The following H4C15 variants were observed in gnomAD, a reference collection of about 807,000 sequenced individuals.
H4C15 encodes H4 clustered histone 15, also known as histone H4.
At chr1:149,845,029 C>A in the H4C15 span, 3 of 152,134 alleles carry the variant, frequency 2.0e-5, no homozygotes, top group African/African-American at 4.8e-5. Flanking sequence ...CGGTAAATAA[C>A]CTAATTATAT....
At chr1:149,847,337 C>T in the H4C15 span, 1 of 152,200 alleles carries the variant, frequency 6.6e-6, no homozygotes, top group Non-Finnish European at 1.5e-5. Context: ...TAGCCTGCCA[C>T]AGCCATTGAC....
chr1:149,850,860 G>T, downstream of H4C15: 1 of 120,406 alleles, frequency 8.3e-6, no homozygotes, highest in Non-Finnish European at 1.4e-5. Context: ...TGTACTTACA[G>T]AGGCTGTGCG....
downstream of H4C15, among the ~76,000 whole-genome samples, chr1:149,855,440 G>A (rs1163911359): frequency 7.2e-5 from 10 of 138,416 alleles, no homozygotes; most frequent in African/African-American, 1.0e-4. Context: ...GGGAAACTAC[G>A]TGGTAAGAGA....
downstream of H4C15, chr1:149,850,058 G>A (rs2092167482): frequency 2.5e-6 from 1 of 400,000 alleles, no homozygotes; most frequent in Non-Finnish European, 4.7e-6. Context: ...CATATTCACG[G>A]GTACGTAACC....
chr1:149,844,788 C>T, the H4C15 span: 3 of 150,248 alleles, frequency 2.0e-5, no homozygotes, highest in Non-Finnish European at 4.4e-5. Context: ...CTGAATCTAC[C>T]TTATTTTATT....
At chr1:149,850,069 A>G (rs2092167597), downstream of H4C15, 1 of 412,362 alleles carries the variant, frequency 2.4e-6, no homozygotes, top group South Asian at 2.2e-5. Context: ...GTACGTAACC[A>G]GGCCAAAGAC....
At chr1:149,844,591 T>C in the H4C15 span, 2 of 152,134 alleles carry the variant, frequency 1.3e-5, no homozygotes, top group Non-Finnish European at 2.9e-5. Flanking sequence ...AGTACCAAGA[T>C]AAAGGCATAA....
At chr1:149,847,408 C>T in the H4C15 span, 1 of 152,200 alleles carries the variant, frequency 6.6e-6, no homozygotes, top group Non-Finnish European at 1.5e-5. Flanking sequence ...CCCCTAGTTG[C>T]TTAGAATTTT....
chr1:149,850,207 G>A (rs2092169128), downstream of H4C15: 1 of 755,270 alleles, frequency 1.3e-6, no homozygotes, highest in Non-Finnish European at 2.3e-6. Flanking sequence ...TGTGCTTGGT[G>A]TTGTGTGCTC....
At chr1:149,845,802 A>C in the H4C15 span, 1 of 152,210 alleles carries the variant, frequency 6.6e-6, no homozygotes, top group African/African-American at 2.4e-5. Flanking sequence ...ATTTTAAATG[A>C]AATTGATTTA....
At chr1:149,850,745 G>C (rs1553757720), downstream of H4C15, 1 of 239,446 alleles carries the variant, frequency 4.2e-6, no homozygotes, top group Admixed American at 8.3e-5. Context: ...CTTCTTGGGA[G>C]CCGGCGCGAA....
chr1:149,846,483 T>C, the H4C15 span: 1 of 152,280 alleles, frequency 6.6e-6, no homozygotes, highest in Non-Finnish European at 1.5e-5. Flanking sequence ...TGAAAGTTTC[T>C]GTACTAATGT....
chr1:149,847,462 AATGAGGTC>A, the H4C15 span: 1 of 152,152 alleles, frequency 6.6e-6, no homozygotes, highest in Non-Finnish European at 1.5e-5. Flanking sequence ...ATCAAGTTAA[AATGAGGTC>A]TTTAGGGTGG....
downstream of H4C15, chr1:149,850,270 CAAGA>C (rs782021767): frequency 8.4e-6 from 11 of 1,312,796 alleles, no homozygotes; most frequent in Middle Eastern, 1.8e-4. Context: ...ACTGACAACA[CAAGA>C]AAGATTCTTT....
chr1:149,855,301 A>G (rs1324371010), downstream of H4C15, among the ~76,000 whole-genome samples: 34 of 108,874 alleles, frequency 3.1e-4, 1 homozygote, highest in Middle Eastern at 5.4e-3. Context: ...GTTGCCAGTA[A>G]GTCCACTCTG....
At chr1:149,848,574 T>G in the H4C15 span, 1 of 152,332 alleles carries the variant, frequency 6.6e-6, no homozygotes, top group South Asian at 2.1e-4. Flanking sequence ...CCTGCTGAGT[T>G]AGTTGTTACT....
chr1:149,848,527 A>C, the H4C15 span: 1 of 152,222 alleles, frequency 6.6e-6, no homozygotes, highest in Non-Finnish European at 1.5e-5. Flanking sequence ...AAAGCAAATA[A>C]GCTGCTTTCC....
the H4C15 span, chr1:149,845,853 GT>G: frequency 6.6e-6 from 1 of 152,152 alleles, no homozygotes; most frequent in Non-Finnish European, 1.5e-5. Context: ...TTAATTGTAG[GT>G]TTTTACACTG....
chr1:149,845,044 G>T, the H4C15 span: 1 of 152,316 alleles, frequency 6.6e-6, no homozygotes, highest in Non-Finnish European at 1.5e-5. Context: ...TTATATGTGG[G>T]GGAAGGTAGT....
Sources: allele counts gnomAD v4.1 joint callset (sites outside exome capture counted in the v4.1 genomes callset), GRCh38; gene constraint gnomAD v4.1.1; transcripts MANE v1.5; gene names NCBI Gene and HGNC (gene_info 2026-07-23, HGNC 2026-07-21).